IQCH: variants seen among roughly 807,000 people sequenced by gnomAD.
IQCH encodes the protein IQ domain-containing protein H.
In IQCH, 98 loss-of-function variants were observed where a neutral mutation model predicts 117.0. The ratio of observed to expected loss-of-function variants is 0.84; its 90% CI spans 0.71 to 0.99. The LOEUF (loss-of-function observed/expected upper bound fraction) is 0.99, where lower values mean the gene tolerates loss of function less well. IQCH is among the 50% of genes least tolerant of loss of function. The pLI, the probability that IQCH is intolerant of heterozygous loss-of-function variation, is 0.00. For synonymous variants in IQCH, 412 were observed against 448.2 expected (o/e 0.92, Z 1.02); for missense variants, 1,102 against 1,243.8 (o/e 0.89, Z 1.72).
intron 8 of IQCH, among the ~76,000 whole-genome samples, chr15:67,360,344 G>A (rs911544967): frequency 6.6e-6 from 1 of 152,214 alleles, no homozygotes; most frequent in Non-Finnish European, 1.5e-5. Flanking sequence ...GGGATTTAGA[G>A]TTAAGCTAAT....
At chr15:67,319,341 C>T (rs766178843) in intron 4 of IQCH, among the ~76,000 whole-genome samples, 8 of 152,208 alleles carry the variant, frequency 5.3e-5, no homozygotes, top group Non-Finnish European at 8.8e-5. Context: ...CTAGATCTGG[C>T]ACTAATTCCT....
At chr15:67,296,433 G>A (rs1455794430) in intron 4 of IQCH, among the ~76,000 whole-genome samples, 1 of 152,154 alleles carries the variant, frequency 6.6e-6, no homozygotes, top group African/African-American at 2.4e-5. Flanking sequence ...AGGAGGCGGA[G>A]CTGGAAGGAA....
rs1470980947 is a variant in IQCH at position 67,484,142 on chromosome 15, CTG to C, written c.2800-5859_2800-5858del. Among the ~76,000 whole-genome samples the C allele has an allele frequency of 8.5e-5, 13 of 152,266 alleles. No homozygotes were observed. The East Asian group carries it at 2.5e-3, about 29-fold the overall frequency. ...TTAGTCCAGGCATAGTGGTTTATGC[CTG>C]TAATCCCAGGCATGGGATTGGGAGG... On this transcript the variant is annotated intron_variant, in intron 18 of 20. Transcript: ENST00000335894.
chr15:67,447,921 G>C lies in IQCH; in HGVS notation c.2506-17206G>C, dbSNP rs185525989. On this transcript the variant is annotated intron_variant, in intron 16 of 20. Coordinates refer to ENST00000335894, the MANE Select transcript of IQCH (RefSeq NM_001031715.3). This position sits in a 1 kb window ranked among gnomAD's most constrained non-coding sequence, Gnocchi z 5.3. ...TTTCTTCCAGATCATGACTGCTTATGGTGGCCCATATATTAACCCTCACTG... is the reference window on the plus strand; with the variant it reads ...TTTCTTCCAGATCATGACTGCTTATCGTGGCCCATATATTAACCCTCACTG... Among the ~76,000 whole-genome samples, 3 of 152,290 alleles carry C rather than the reference G, an allele frequency of 2.0e-5. No homozygotes were observed. The highest frequency in any genetic ancestry group is 2.0e-4 in the Admixed American group (3 of 15,294).
intron 16 of IQCH, 127 bp from the exon 17 acceptor site, chr15:67,465,000 C>G (rs892873131): frequency 1.3e-6 from 1 of 761,958 alleles, no homozygotes; most frequent in African/African-American, 1.8e-5. Flanking sequence ...AAAACATCTA[C>G]TCCATTAAGA....
intron 16 of IQCH, among the ~76,000 whole-genome samples, chr15:67,440,972 A>T (rs1046830559): frequency 9.2e-5 from 14 of 151,898 alleles, no homozygotes; most frequent in African/African-American, 3.4e-4. Context: ...AACCCTAAGG[A>T]CTCCTCCAGA....
chr15:67,352,269 G>C (rs1969695415), intron 6 of IQCH, among the ~76,000 whole-genome samples: 1 of 151,710 alleles, frequency 6.6e-6, no homozygotes, highest in East Asian at 1.9e-4. Flanking sequence ...TCTCCCTCCT[G>C]ATGTAACATC....
chr15:67,415,888 C>G (rs994647707), intron 14 of IQCH, among the ~76,000 whole-genome samples: 1 of 152,010 alleles, frequency 6.6e-6, no homozygotes, highest in Non-Finnish European at 1.5e-5. Flanking sequence ...AAAATCAAAT[C>G]TAAAAAAAAT....
chr15:67,457,050 G>T lies in IQCH; in HGVS notation c.2506-8077G>T, dbSNP rs532223902. Among the ~76,000 whole-genome samples, 12 of 152,164 alleles carry T rather than the reference G, an allele frequency of 7.9e-5. No individual in the cohort carries two copies. Among genetic ancestry groups the T allele is most frequent in the East Asian group, 5.8e-4 (3 of 5,200 alleles). ...CCAAGAGGCTCAATTGCTGACCGGG[G>T]TGACTGCCCTGTACAGCGACAACTG... On this transcript the variant is annotated intron_variant, in intron 16 of 20. Coordinates refer to ENST00000335894, the MANE Select transcript of IQCH (RefSeq NM_001031715.3). This position sits in a 1 kb window ranked among gnomAD's most constrained non-coding sequence, Gnocchi z 5.7.
At chr15:67,333,346 A>C (rs574010704) in intron 4 of IQCH, among the ~76,000 whole-genome samples, 1 of 152,200 alleles carries the variant, frequency 6.6e-6, no homozygotes, top group Admixed American at 6.5e-5. Flanking sequence ...TTAAGGAAAA[A>C]TTTGCCAGCC....
At chr15:67,318,251 C>A (rs1311686964) in intron 4 of IQCH, among the ~76,000 whole-genome samples, 1 of 151,840 alleles carries the variant, frequency 6.6e-6, no homozygotes. Flanking sequence ...CTTTTTGTTT[C>A]TCTCTTTCTC....
At chr15:67,480,583 T>C (rs2038584073) in intron 18 of IQCH, among the ~76,000 whole-genome samples, 1 of 152,176 alleles carries the variant, frequency 6.6e-6, no homozygotes, top group Non-Finnish European at 1.5e-5. Context: ...AATCAGGTTA[T>C]ACTGAAATTA....
At chr15:67,347,117 C>T (rs1453423731) in intron 6 of IQCH, among the ~76,000 whole-genome samples, 2 of 148,948 alleles carry the variant, frequency 1.3e-5, no homozygotes, top group Non-Finnish European at 3.0e-5. Flanking sequence ...CTCTAAAAAA[C>T]CAGAAAAAGA....
In IQCH at chr15:67,387,756, G is replaced by T. The variant is rs1446169256; in HGVS notation, c.1457-1075G>T. Among the ~76,000 whole-genome samples the T allele has an allele frequency of 6.6e-6, 1 of 152,150 alleles. No homozygotes were observed. Among genetic ancestry groups the T allele is most frequent in the Non-Finnish European group, 1.5e-5 (1 of 68,028 alleles). ...TAGTGTCTAAAACTCTATGCCCCAG[G>T]TGGTTTTGTTCCCCTTTTTACAGAT... On this transcript the variant is annotated intron_variant, in intron 11 of 20. Coordinates refer to ENST00000335894, the MANE Select transcript of IQCH (RefSeq NM_001031715.3). The surrounding 1 kb of genome is among the most constrained non-coding windows in gnomAD (Gnocchi z 4.8).
At chr15:67,449,795 ACT>A (rs1277401020) in intron 16 of IQCH, among the ~76,000 whole-genome samples, 1 of 151,956 alleles carries the variant, frequency 6.6e-6, no homozygotes, top group Non-Finnish European at 1.5e-5. Context: ...GATGGCATTG[ACT>A]CTATAAATTA....
Position 67,400,160 on chromosome 15 carries a change from A to G in IQCH, c.1952A>G (p.Gln651Arg), listed in dbSNP as rs778543670. Reference sequence around the variant, plus strand: ...CTGATAACTGATCACCTGCAAATACAGCGTTGGCTCTTTAAAATGGACTCT... The same window carrying G: ...CTGATAACTGATCACCTGCAAATACGGCGTTGGCTCTTTAAAATGGACTCT... Reference protein sequence around the residue: ...SQLITDHLQIQRWLFKMDSEF... With the variant: ...SQLITDHLQIRRWLFKMDSEF... Residue 651 changes from glutamine to arginine, a missense_variant, in exon 14 of 21, where the codon CAG becomes CGG. Around this residue, in one of 2 missense-constraint regions of IQCH, gnomAD observed 650 missense variants for 794.3 expected, o/e 0.82. Transcript: ENST00000335894. The G allele has an allele frequency of 6.2e-7, 1 of 1,613,956 alleles. No homozygotes were observed. The highest frequency in any genetic ancestry group is 2.2e-5 in the East Asian group (1 of 44,842).
At chr15:67,319,024 G>C (rs559743663) in intron 4 of IQCH, among the ~76,000 whole-genome samples, 1 of 152,132 alleles carries the variant, frequency 6.6e-6, no homozygotes, top group Non-Finnish European at 1.5e-5. Flanking sequence ...TCAGGAGCTC[G>C]AGACCATCCT....
At chr15:67,318,045 A>C (rs568785701) in intron 4 of IQCH, among the ~76,000 whole-genome samples, 1 of 152,326 alleles carries the variant, frequency 6.6e-6, no homozygotes, top group Non-Finnish European at 1.5e-5. Flanking sequence ...TTCTGATTGT[A>C]ACACTTTTTT....
At chr15:67,451,215 C>G (rs1368109830) in intron 16 of IQCH, among the ~76,000 whole-genome samples, 1 of 152,110 alleles carries the variant, frequency 6.6e-6, no homozygotes, top group Non-Finnish European at 1.5e-5. Context: ...TCTTGTGTCT[C>G]TATTTCCTTC....
Sources: allele counts gnomAD v4.1 joint callset (sites outside exome capture counted in the v4.1 genomes callset), GRCh38; gene constraint gnomAD v4.1.1; regional missense constraint gnomAD v4.1.1; non-coding constraint Gnocchi (gnomAD v3.1); transcripts MANE v1.5; gene names NCBI Gene and HGNC (gene_info 2026-07-23, HGNC 2026-07-21).